Variants in LSAMP observed in about 807,000 individuals in gnomAD.
The protein encoded by LSAMP is limbic system associated membrane protein.
A neutral mutation model predicts 38.6 loss-of-function variants in LSAMP; 7 were observed. The ratio of observed to expected loss-of-function variants is 0.18; its 90% CI spans 0.10 to 0.34. The LOEUF is 0.34. LSAMP is among the 10% of genes least tolerant of loss of function. LSAMP has a pLI of 1.00. For missense variants in LSAMP, 313 were observed against 420.0 expected (o/e 0.75, Z 2.23); for synonymous variants, 154 against 166.8 (o/e 0.92, Z 0.59).
At chr3:116,058,196 G>C (rs1021803365) in intron 2 of LSAMP, among the ~76,000 whole-genome samples, 34 of 152,140 alleles carry the variant, frequency 2.2e-4, no homozygotes, top group African/African-American at 7.7e-4. Context: ...ATACAAGCTA[G>C]CTCTTTGGTA....
rs77874442 is a variant in LSAMP at position 116,087,954 on chromosome 3, C to A, written c.156-1398G>T. Among the ~76,000 whole-genome samples the A allele has an allele frequency of 3.3e-3, 496 of 149,620 alleles. 5 individuals are homozygous for A. Among genetic ancestry groups the A allele is most frequent in the African/African-American group, 0.011 (464 of 40,542 alleles). ...GGTCACCAAGACTGGGGAGCAGTGG[C>A]CTGATCATAGCTCACTGCAGCCTCA... On this transcript the variant is annotated intron_variant, in intron 1 of 6. Coordinates refer to ENST00000490035, the MANE Select transcript of LSAMP (RefSeq NM_002338.5).
intron 3 of LSAMP, among the ~76,000 whole-genome samples, chr3:115,998,376 T>C (rs1304475408): frequency 6.6e-6 from 1 of 151,948 alleles, no homozygotes; most frequent in Non-Finnish European, 1.5e-5. Flanking sequence ...AGTATACCAG[T>C]GGGTGGATTG....
intron 1 of LSAMP, among the ~76,000 whole-genome samples, chr3:116,314,691 C>G (rs1225268353): frequency 6.6e-6 from 1 of 152,166 alleles, no homozygotes; most frequent in African/African-American, 2.4e-5. Flanking sequence ...CTGCCTGCGT[C>G]TGGAAGCCCT....
intron 1 of LSAMP, among the ~76,000 whole-genome samples, chr3:116,419,828 T>TA (rs1480111021): frequency 3.9e-5 from 6 of 152,150 alleles, no homozygotes. Context: ...ATTAGCCATT[T>TA]AAAAAAATAG....
chr3:116,369,218 C>T (rs902262653), intron 1 of LSAMP, among the ~76,000 whole-genome samples: 4 of 152,076 alleles, frequency 2.6e-5, no homozygotes, highest in African/African-American at 9.7e-5. Flanking sequence ...TAAGACAGAG[C>T]TTCTGCCTAC....
chr3:116,116,715 CAAATAATAATGA>C (rs1254420517), intron 1 of LSAMP, among the ~76,000 whole-genome samples: 1 of 150,910 alleles, frequency 6.6e-6, no homozygotes, highest in Non-Finnish European at 1.5e-5. Context: ...GATTCCATCT[CAAATAATAATGA>C]TAATAATAAT....
At chr3:116,207,988 C>A (rs1363801996) in intron 1 of LSAMP, among the ~76,000 whole-genome samples, 11 of 148,864 alleles carry the variant, frequency 7.4e-5, no homozygotes, top group South Asian at 2.2e-4. Flanking sequence ...TAATATCCTG[C>A]AGAGTGTTTT....
At chr3:116,408,052 C>G (rs2048921288) in intron 1 of LSAMP, among the ~76,000 whole-genome samples, 1 of 151,890 alleles carries the variant, frequency 6.6e-6, no homozygotes, top group African/African-American at 2.4e-5. Flanking sequence ...CATAATACTT[C>G]CAATAAAATA....
intron 2 of LSAMP, among the ~76,000 whole-genome samples, chr3:116,068,999 A>G (rs1273091142): frequency 2.0e-5 from 3 of 152,226 alleles, no homozygotes; most frequent in African/African-American, 7.2e-5. Flanking sequence ...CATGATCAAG[A>G]TATCACTTTA....
chr3:116,327,994 T>C (rs1488975238), intron 1 of LSAMP, among the ~76,000 whole-genome samples: 1 of 152,146 alleles, frequency 6.6e-6, no homozygotes, highest in African/African-American at 2.4e-5. Flanking sequence ...TCTGAGGCAC[T>C]GTTTCACTCA....
chr3:116,149,711 T>C (rs17698883), intron 1 of LSAMP, among the ~76,000 whole-genome samples: 10,231 of 152,054 alleles, frequency 0.067, 400 homozygotes, highest in Middle Eastern at 0.16. Flanking sequence ...TATCTGAATA[T>C]GTACTGTTAC....
intron 1 of LSAMP, among the ~76,000 whole-genome samples, chr3:116,305,183 C>T (rs953743645): frequency 4.6e-5 from 7 of 152,002 alleles, no homozygotes; most frequent in African/African-American, 1.7e-4. Context: ...ACTATAGTTC[C>T]CTCATAATAT....
chr3:116,150,577 A>G lies in LSAMP; in HGVS notation c.156-64021T>C, dbSNP rs113907973. Among the ~76,000 whole-genome samples, 204 of 152,114 alleles carry G rather than the reference A, an allele frequency of 1.3e-3. 1 individual carries two copies. The highest frequency in any genetic ancestry group is 3.4e-3 in the African/African-American group (141 of 41,538). On this transcript the variant is annotated intron_variant, in intron 1 of 6. Transcript: ENST00000490035. ...TCAATAATAAAAGGCTGGCCAGAGA[A>G]AAAGCTAGAGTGGGGAAAAGGAGTT... is the stretch of plus-strand genomic sequence containing the variant.
intron 1 of LSAMP, among the ~76,000 whole-genome samples, chr3:116,251,209 A>C (rs2046680472): frequency 6.6e-6 from 1 of 152,220 alleles, no homozygotes; most frequent in Admixed American, 6.5e-5. Context: ...TTGTTAATTT[A>C]AGGTCGAAAC....
intron 1 of LSAMP, among the ~76,000 whole-genome samples, chr3:116,120,597 C>A (rs1185261910): frequency 3.3e-5 from 5 of 152,178 alleles, no homozygotes. Flanking sequence ...AAGGTGAGGG[C>A]AGTTCCCAGA....
At chr3:115,870,203 A>C (rs1935992828) in intron 3 of LSAMP, among the ~76,000 whole-genome samples, 1 of 152,152 alleles carries the variant, frequency 6.6e-6, no homozygotes, top group Admixed American at 6.6e-5. Context: ...TGGCCCACAA[A>C]GCTTAACATA....
chr3:115,995,148 T>C (rs1232942473), intron 3 of LSAMP, among the ~76,000 whole-genome samples: 1 of 152,108 alleles, frequency 6.6e-6, no homozygotes, highest in Non-Finnish European at 1.5e-5. Flanking sequence ...ATACATTCTT[T>C]TTCAAAACAA....
chr3:116,345,958 T>C (rs370713349), intron 1 of LSAMP, among the ~76,000 whole-genome samples: 16 of 152,330 alleles, frequency 1.1e-4, no homozygotes, highest in African/African-American at 3.6e-4. Flanking sequence ...GTGAATGCCA[T>C]ACTTGGTAAA....
chr3:115,854,358 C>G (rs1935439832), intron 3 of LSAMP, among the ~76,000 whole-genome samples: 2 of 146,240 alleles, frequency 1.4e-5, no homozygotes, highest in South Asian at 2.1e-4. Context: ...TCTCGGCTCA[C>G]TGCAAGCTCC....
Sources: gnomAD v4.1 joint callset for allele counts (sites outside exome capture counted in the v4.1 genomes callset) on GRCh38, gnomAD v4.1.1 for gene constraint, MANE v1.5 for transcripts, NCBI Gene and HGNC (gene_info 2026-07-23, HGNC 2026-07-21) for gene names.